The following OR51B5 variants were observed in gnomAD, a reference collection of about 807,000 sequenced individuals.
OR51B5 encodes the protein olfactory receptor 51B5.
For missense variants in OR51B5, 456 were observed against 374.6 expected (o/e 1.22, Z -1.79); for synonymous variants, 186 against 144.8 (o/e 1.28, Z -2.04).
chr11:5,431,646 A>T (rs1850536796), intron 1 of OR51B5: 1 of 153,090 alleles, frequency 6.5e-6, no homozygotes, highest in East Asian at 1.9e-4. Flanking sequence ...ATTTGAAAAA[A>T]ACTGAAGTTA....
intron 1 of OR51B5, among the ~76,000 whole-genome samples, chr11:5,361,744 C>T (rs1256623512): frequency 2.3e-5 from 3 of 128,076 alleles, no homozygotes; most frequent in Non-Finnish European, 5.3e-5. Flanking sequence ...CATTCCCTAG[C>T]AGAGTGATCT....
chr11:5,418,128 C>T lies in OR51B5; in HGVS notation n.85-71218G>A, dbSNP rs1019272680. On this transcript the variant is annotated intron_variant and non_coding_transcript_variant, in intron 1 of 4. Transcript: ENST00000415970. ...TAGGGACATGGATGAAGTTGGAAAT[C>T]CTCATTCTCAGTAAACTATTGCAAG... 3.3e-5 allele frequency among the ~76,000 whole-genome samples: 5 copies of T among 151,152 alleles called. No individual in the cohort carries two copies. In the South Asian group the frequency reaches 1.1e-3, roughly 32 times the overall value.
At chr11:5,403,597 A>G (rs757675541) in intron 1 of OR51B5, 3 of 441,612 alleles carry the variant, frequency 6.8e-6, no homozygotes, top group African/African-American at 2.0e-5. Context: ...CTTGCTCTCT[A>G]TAATAACAGG....
intron 1 of OR51B5, among the ~76,000 whole-genome samples, chr11:5,499,101 G>A (rs1260701212): frequency 1.3e-5 from 2 of 152,168 alleles, no homozygotes; most frequent in Non-Finnish European, 2.9e-5. Context: ...CAAGTTGACA[G>A]GGAAATTAGG....
intron 1 of OR51B5, among the ~76,000 whole-genome samples, chr11:5,405,209 A>G (rs1024655945): frequency 1.3e-5 from 2 of 152,192 alleles, no homozygotes; most frequent in Non-Finnish European, 2.9e-5. Context: ...ATCACTTCCT[A>G]TAGCAACTCT....
At chr11:5,382,222 A>G (rs761657096) in intron 1 of OR51B5, among the ~76,000 whole-genome samples, 12 of 152,286 alleles carry the variant, frequency 7.9e-5, no homozygotes, top group Non-Finnish European at 1.3e-4. Flanking sequence ...GGAAAATCTT[A>G]TAGTTCTCAA....
At chr11:5,458,201 C>T (rs1350239790) in intron 1 of OR51B5, among the ~76,000 whole-genome samples, 2 of 152,058 alleles carry the variant, frequency 1.3e-5, no homozygotes, top group African/African-American at 2.4e-5. Flanking sequence ...GCCAGTTAGC[C>T]CAGCACTGTG....
intron 1 of OR51B5, chr11:5,468,800 G>C (rs1564823664): frequency 2.2e-6 from 1 of 455,408 alleles, no homozygotes; most frequent in East Asian, 6.9e-5. Flanking sequence ...ACCAAAGGCA[G>C]AGATGACAAT....
chr11:5,412,459 T>C (rs1850163296), intron 1 of OR51B5, among the ~76,000 whole-genome samples: 1 of 152,116 alleles, frequency 6.6e-6, no homozygotes, highest in South Asian at 2.1e-4. Context: ...GGGTGCAGCG[T>C]ACTGTGCGCC....
chr11:5,352,005 C>A (rs1849099205), intron 1 of OR51B5: 1 of 1,613,598 alleles, frequency 6.2e-7, no homozygotes, highest in Non-Finnish European at 8.5e-7. Context: ...GGTTTCCCTA[C>A]TGTCGATCCC....
intron 1 of OR51B5, among the ~76,000 whole-genome samples, chr11:5,356,797 C>A (rs1409390414): frequency 8.0e-6 from 1 of 125,540 alleles, no homozygotes; most frequent in Non-Finnish European, 1.8e-5. Context: ...ACTCTACAAG[C>A]CAGAAGAGAG....
intron 1 of OR51B5, among the ~76,000 whole-genome samples, chr11:5,387,141 T>C (rs891673653): frequency 6.6e-6 from 1 of 152,032 alleles, no homozygotes; most frequent in Admixed American, 6.5e-5. Context: ...CTGAATAACA[T>C]AAATATTTGA....
intron 1 of OR51B5, among the ~76,000 whole-genome samples, chr11:5,477,894 C>T (rs925615029): frequency 6.6e-6 from 1 of 151,992 alleles, no homozygotes; most frequent in Non-Finnish European, 1.5e-5. Context: ...GCTAGCACAG[C>T]AGTCTGGGAT....
chr11:5,363,355 TTTTG>T (rs1304205589), intron 1 of OR51B5, among the ~76,000 whole-genome samples: 1 of 58,976 alleles, frequency 1.7e-5, no homozygotes. Flanking sequence ...TTTTTTTGGT[TTTTG>T]TTTTTTTTTA....
chr11:5,473,178 C>A (rs1564825125), intron 1 of OR51B5, among the ~76,000 whole-genome samples: 1 of 152,140 alleles, frequency 6.6e-6, no homozygotes, highest in African/African-American at 2.4e-5. Flanking sequence ...ACTTATTAAA[C>A]AAGAACTATC....
intron 1 of OR51B5, among the ~76,000 whole-genome samples, chr11:5,413,031 AC>A (rs1428496845): frequency 4.1e-5 from 2 of 48,480 alleles, no homozygotes; most frequent in Admixed American, 2.8e-4. Context: ...ACTGGGAGGC[AC>A]CCCCCAGTAG....
At chr11:5,402,345 TAATATAATTTTCTAG>T (rs1849983703) in intron 1 of OR51B5, among the ~76,000 whole-genome samples, 1 of 152,234 alleles carries the variant, frequency 6.6e-6, no homozygotes, top group African/African-American at 2.4e-5. Context: ...GCCTATAATG[TAATATAATTTTCTAG>T]AACATAATTT....
chr11:5,440,670 T>C (rs1850665706), intron 1 of OR51B5: 1 of 1,613,742 alleles, frequency 6.2e-7, no homozygotes, highest in South Asian at 1.1e-5. Flanking sequence ...TACAAACAGG[T>C]AGACATTGGA....
chr11:5,491,401 A>T (rs976588936), intron 1 of OR51B5, among the ~76,000 whole-genome samples: 1 of 152,178 alleles, frequency 6.6e-6, no homozygotes, highest in African/African-American at 2.4e-5. Context: ...AGGTAAATTC[A>T]TGCACAAGGA....
Sources: gnomAD v4.1 joint callset for allele counts (sites outside exome capture counted in the v4.1 genomes callset) on GRCh38, gnomAD v4.1.1 for gene constraint, MANE v1.5 for transcripts, NCBI Gene and HGNC (gene_info 2026-07-23, HGNC 2026-07-21) for gene names.